Variants in ABTB3 observed in about 807,000 individuals in gnomAD.
ABTB3 encodes the protein ankyrin repeat and BTB domain containing 3.
the ABTB3 span, among the ~76,000 whole-genome samples, chr12:107,405,691 G>A: frequency 6.6e-6 from 1 of 152,248 alleles, no homozygotes; most frequent in Non-Finnish European, 1.5e-5. Flanking sequence ...CGGTCCCTGG[G>A]GGGGCTGTGC....
the ABTB3 span, among the ~76,000 whole-genome samples, chr12:107,652,523 C>T: frequency 2.1e-4 from 32 of 152,334 alleles, no homozygotes; most frequent in Non-Finnish European, 3.8e-4. Flanking sequence ...GTAAGCACTG[C>T]TGAAGTCTTT....
chr12:107,326,125 G>A, the ABTB3 span, among the ~76,000 whole-genome samples: 2 of 152,096 alleles, frequency 1.3e-5, no homozygotes, highest in Non-Finnish European at 2.9e-5. Context: ...GGCTGGTTTC[G>A]AACTTCTGAC....
chr12:107,389,334 A>G, the ABTB3 span, among the ~76,000 whole-genome samples: 3 of 152,230 alleles, frequency 2.0e-5, no homozygotes, highest in African/African-American at 4.8e-5. Context: ...GGCATATTGC[A>G]TGCTTTATCT....
the ABTB3 span, among the ~76,000 whole-genome samples, chr12:107,432,970 AG>A: frequency 8.5e-5 from 13 of 152,158 alleles, no homozygotes; most frequent in African/African-American, 3.1e-4. Context: ...TCTTCACGGC[AG>A]GGCAGGGTTA....
At chr12:107,371,599 G>A in the ABTB3 span, among the ~76,000 whole-genome samples, 1 of 152,158 alleles carries the variant, frequency 6.6e-6, no homozygotes, top group African/African-American at 2.4e-5. Context: ...TACTCCTGGA[G>A]TTAAGGAGGT....
the ABTB3 span, among the ~76,000 whole-genome samples, chr12:107,386,973 A>G: frequency 2.1e-5 from 3 of 144,398 alleles, no homozygotes; most frequent in East Asian, 2.0e-4. Flanking sequence ...ACAGTCAGCT[A>G]CATTCTTTTT....
chr12:107,536,562 G>A, the ABTB3 span, among the ~76,000 whole-genome samples: 28 of 152,042 alleles, frequency 1.8e-4, no homozygotes, highest in East Asian at 4.4e-3. Flanking sequence ...TGATTTTAAA[G>A]TGTGCAAAAG....
chr12:107,559,680 G>A, the ABTB3 span, among the ~76,000 whole-genome samples: 1 of 152,094 alleles, frequency 6.6e-6, no homozygotes, highest in Admixed American at 6.5e-5. Flanking sequence ...CAGTAGACAT[G>A]GTATCTGAGT....
At chr12:107,457,745 C>T in the ABTB3 span, among the ~76,000 whole-genome samples, 1 of 152,228 alleles carries the variant, frequency 6.6e-6, no homozygotes, top group Non-Finnish European at 1.5e-5. Context: ...CATGCCAAGG[C>T]TTATGTCCTG....
At chr12:107,587,924 A>G in the ABTB3 span, among the ~76,000 whole-genome samples, 1 of 152,288 alleles carries the variant, frequency 6.6e-6, no homozygotes, top group East Asian at 1.9e-4. Context: ...ACAGACATTT[A>G]TTGTCTCACC....
At chr12:107,446,869 T>C in the ABTB3 span, among the ~76,000 whole-genome samples, 7 of 152,282 alleles carry the variant, frequency 4.6e-5, no homozygotes, top group South Asian at 1.4e-3. Flanking sequence ...ATCTGGAAAG[T>C]GTGGATAATA....
chr12:107,568,337 G>C, the ABTB3 span, among the ~76,000 whole-genome samples: 2 of 152,172 alleles, frequency 1.3e-5, no homozygotes, highest in African/African-American at 4.8e-5. Flanking sequence ...TCATGGTAAA[G>C]GTGATGACGA....
chr12:107,596,844 G>A, the ABTB3 span, among the ~76,000 whole-genome samples: 1 of 152,102 alleles, frequency 6.6e-6, no homozygotes, highest in African/African-American at 2.4e-5. Context: ...AGAACAGAGT[G>A]TAGCTTTCCC....
the ABTB3 span, among the ~76,000 whole-genome samples, chr12:107,568,892 C>T: frequency 2.0e-5 from 3 of 152,166 alleles, no homozygotes; most frequent in Admixed American, 6.6e-5. Flanking sequence ...CTGGTCCAAA[C>T]GTGCTTCTGA....
At chr12:107,620,606 A>T in the ABTB3 span, among the ~76,000 whole-genome samples, 1 of 152,258 alleles carries the variant, frequency 6.6e-6, no homozygotes, top group Non-Finnish European at 1.5e-5. Flanking sequence ...AGGAATCGGT[A>T]GGATGAGGGA....
chr12:107,438,065 G>T, the ABTB3 span, among the ~76,000 whole-genome samples: 1 of 152,072 alleles, frequency 6.6e-6, no homozygotes, highest in Admixed American at 6.6e-5. Context: ...CTCTAATGGG[G>T]AGACCATCTG....
At chr12:107,555,454 A>T in the ABTB3 span, among the ~76,000 whole-genome samples, 1 of 152,202 alleles carries the variant, frequency 6.6e-6, no homozygotes. Context: ...GTCTGATCAG[A>T]TGGATAGGCT....
the ABTB3 span, among the ~76,000 whole-genome samples, chr12:107,578,585 G>A: frequency 6.6e-6 from 1 of 151,748 alleles, no homozygotes; most frequent in Non-Finnish European, 1.5e-5. Context: ...GATGAGGGGA[G>A]GCGCCTCTGA....
the ABTB3 span, among the ~76,000 whole-genome samples, chr12:107,457,454 G>A: frequency 3.9e-3 from 592 of 152,334 alleles, 8 homozygotes; most frequent in African/African-American, 0.012. Context: ...TGGTTATGCC[G>A]AAAGATTTCC....
Sources: gnomAD v4.1 joint callset for allele counts (sites outside exome capture counted in the v4.1 genomes callset) on GRCh38, gnomAD v4.1.1 for gene constraint, MANE v1.5 for transcripts, NCBI Gene and HGNC (gene_info 2026-07-23, HGNC 2026-07-21) for gene names.